EML6: variants seen among roughly 807,000 people sequenced by gnomAD.
The protein encoded by EML6 is EMAP like 6, also known as echinoderm microtubule-associated protein-like 6.
A neutral mutation model predicts 240.1 loss-of-function variants in EML6; 154 were observed. That is an observed-to-expected ratio of 0.64 (90% CI 0.56 to 0.73). The LOEUF is 0.73. Ranked by LOEUF, EML6 falls within the 30% of genes least tolerant of loss-of-function variation. The pLI is 0.00. For synonymous variants in EML6, 1,148 were observed against 899.0 expected, an observed-to-expected ratio of 1.28 and a Z score of -4.95; for missense variants, 2,964 against 2,474.6, an observed-to-expected ratio of 1.20 and a Z score of -4.20.
chr2:54,957,151 G>A (rs185359577), intron 32 of EML6, among the ~76,000 whole-genome samples: 1 of 152,182 alleles, frequency 6.6e-6, no homozygotes, highest in Admixed American at 6.5e-5. Flanking sequence ...AGCACAGAGA[G>A]CTTAAATAAT....
intron 4 of EML6, among the ~76,000 whole-genome samples, chr2:54,820,009 C>T (rs1010149279): frequency 1.3e-5 from 2 of 152,144 alleles, no homozygotes; most frequent in African/African-American, 4.8e-5. Flanking sequence ...AGCTAAGAAG[C>T]ATTTTATAAT....
chr2:54,906,022 A>G (rs981056075), intron 24 of EML6, among the ~76,000 whole-genome samples: 1 of 152,184 alleles, frequency 6.6e-6, no homozygotes, highest in Non-Finnish European at 1.5e-5. Context: ...CCCTGCTTTC[A>G]AGTATTTGAG....
chr2:54,959,060 G>A lies in EML6; in HGVS notation c.4696-44G>A, dbSNP rs765467860. 3.1e-4 allele frequency: 477 copies of A among 1,515,176 alleles called. 3 individuals are homozygous for A. Among genetic ancestry groups the A allele is most frequent in the South Asian group, 2.5e-3 (192 of 77,624 alleles). 93.9% of individuals were successfully genotyped at this position (1,515,176 alleles called of 1,614,324 possible). ...AGAACGGGTGGCTGGGGAGGGACCCGCTTGAGTGTGTTCCGGGTGTAGAAG... is the reference window on the plus strand; with the variant it reads ...AGAACGGGTGGCTGGGGAGGGACCCACTTGAGTGTGTTCCGGGTGTAGAAG... On this transcript the variant is annotated intron_variant, in intron 33 of 41. Transcript: ENST00000356458.
At chr2:54,913,091 T>TC (rs1673729435) in intron 25 of EML6, among the ~76,000 whole-genome samples, 1 of 147,854 alleles carries the variant, frequency 6.8e-6, no homozygotes, top group Non-Finnish European at 1.5e-5. Context: ...TTTTTTTTTT[T>TC]ACTTTTAATA....
chr2:54,752,082 C>A (rs933946145), intron 2 of EML6, among the ~76,000 whole-genome samples: 1 of 152,164 alleles, frequency 6.6e-6, no homozygotes, highest in African/African-American at 2.4e-5. Flanking sequence ...GCATGTCTAG[C>A]GTGCCAGTGT....
intron 11 of EML6, among the ~76,000 whole-genome samples, chr2:54,858,301 G>C (rs1670496114): frequency 6.6e-6 from 1 of 152,224 alleles, no homozygotes; most frequent in Non-Finnish European, 1.5e-5. Context: ...CCTCTTAGAT[G>C]TCAGCTTCAC....
chr2:54,949,336 A>G (rs1161726424), intron 29 of EML6, among the ~76,000 whole-genome samples: 1 of 152,196 alleles, frequency 6.6e-6, no homozygotes, highest in Non-Finnish European at 1.5e-5. Context: ...ATGTTGCCTG[A>G]GCCCCGACTG....
intron 17 of EML6, among the ~76,000 whole-genome samples, chr2:54,888,082 T>G (rs1672251062): frequency 6.6e-6 from 1 of 152,228 alleles, no homozygotes; most frequent in Non-Finnish European, 1.5e-5. Flanking sequence ...CACCAGCTTT[T>G]GTGAAAAGAA....
At chr2:54,941,865 A>G (rs1038126195) in intron 28 of EML6, among the ~76,000 whole-genome samples, 3 of 152,212 alleles carry the variant, frequency 2.0e-5, no homozygotes, top group Non-Finnish European at 4.4e-5. Context: ...TTCTGCCCGC[A>G]TAGCTGCAGC....
At chr2:54,741,674 T>G (rs1683639154) in intron 2 of EML6, among the ~76,000 whole-genome samples, 1 of 152,150 alleles carries the variant, frequency 6.6e-6, no homozygotes, top group African/African-American at 2.4e-5. Flanking sequence ...AATATAGCAG[T>G]GCTTAAAGAA....
At chr2:54,931,178 C>T (rs1289932923) in intron 28 of EML6, among the ~76,000 whole-genome samples, 1 of 151,604 alleles carries the variant, frequency 6.6e-6, no homozygotes, top group African/African-American at 2.4e-5. Flanking sequence ...AGGATGGTCT[C>T]GATCTCCTGA....
intron 2 of EML6, among the ~76,000 whole-genome samples, chr2:54,734,427 A>C (rs1174176937): frequency 6.6e-6 from 1 of 152,244 alleles, no homozygotes. Context: ...GTGCTAGGCA[A>C]TGGCTGGTGG....
At chr2:54,942,932 C>A (rs1675501703) in intron 28 of EML6, among the ~76,000 whole-genome samples, 1 of 152,206 alleles carries the variant, frequency 6.6e-6, no homozygotes, top group African/African-American at 2.4e-5. Context: ...ATTTCCCAGT[C>A]CTGTTGGCCC....
chr2:54,799,621 G>A (rs1369269207), intron 2 of EML6, among the ~76,000 whole-genome samples: 1 of 152,216 alleles, frequency 6.6e-6, no homozygotes, highest in African/African-American at 2.4e-5. Context: ...GGGATTAAGG[G>A]CGTGAACCAT....
In EML6 at chr2:54,928,318, G is replaced by A. The variant is rs1395997933; in HGVS notation, c.3681G>A (p.Gln1227=). 4 of 1,551,828 alleles carry A rather than the reference G, an allele frequency of 2.6e-6. No individual in the cohort carries two copies. In the Admixed American group the frequency reaches 5.9e-5, roughly 23 times the overall value. The change falls in exon 27 of 42, where the codon CAG becomes CAA. Residue 1227 remains glutamine (Q), a synonymous_variant. Transcript: ENST00000356458. The part of the protein sequence containing the change: ...VKLFSYPVKG[Q]HARFKKYVGH... ...ACCAATTTCGGGCTTTACAGGGACA[G>A]CACGCAAGATTCAAGAAGTATGTGG... is the stretch of plus-strand genomic sequence containing the variant.
chr2:54,738,249 G>T (rs1427848072), intron 2 of EML6, among the ~76,000 whole-genome samples: 2 of 152,130 alleles, frequency 1.3e-5, no homozygotes, highest in African/African-American at 2.4e-5. Flanking sequence ...CTTAAGAAGT[G>T]TTTGTTGAAT....
At chr2:54,932,500 C>T (rs952821129) in intron 28 of EML6, among the ~76,000 whole-genome samples, 13 of 152,176 alleles carry the variant, frequency 8.5e-5, no homozygotes, top group African/African-American at 2.7e-4. Flanking sequence ...TCAAGTGCCA[C>T]GCCCCAACCT....
chr2:54,819,092 G>T (rs1158168784), intron 4 of EML6, among the ~76,000 whole-genome samples: 2 of 152,202 alleles, frequency 1.3e-5, no homozygotes, highest in African/African-American at 2.4e-5. Flanking sequence ...AGCTTGAATG[G>T]CTGAAATGGA....
chr2:54,863,550 G>T (rs1195866435), intron 12 of EML6, among the ~76,000 whole-genome samples: 2 of 152,182 alleles, frequency 1.3e-5, no homozygotes, highest in African/African-American at 4.8e-5. Flanking sequence ...TGCCTGGTGG[G>T]TGGTGTGGGG....
Sources: allele counts gnomAD v4.1 joint callset (sites outside exome capture counted in the v4.1 genomes callset), GRCh38; gene constraint gnomAD v4.1.1; transcripts MANE v1.5; gene names NCBI Gene and HGNC (gene_info 2026-07-23, HGNC 2026-07-21).